AUTS2: variants seen among roughly 807,000 people sequenced by gnomAD.
AUTS2 encodes the protein activator of transcription and developmental regulator AUTS2.
Under a neutral mutation model 112.4 loss-of-function variants are expected in AUTS2, and 17 were observed. The observed-to-expected ratio is 0.15, with a 90% CI of 0.10 to 0.23. AUTS2 has a LOEUF of 0.23. AUTS2 is among the 10% of genes least tolerant of loss of function. AUTS2 has a pLI of 1.00. For missense variants in AUTS2, 1,510 were observed against 1,701.6 expected (o/e 0.89, Z 1.98); for synonymous variants, 751 against 702.7 (o/e 1.07, Z -1.09).
chr7:70,725,172 G>A (rs550856036), intron 6 of AUTS2, among the ~76,000 whole-genome samples: 12 of 152,276 alleles, frequency 7.9e-5, no homozygotes, highest in South Asian at 2.1e-4. Flanking sequence ...ATGACCTTCC[G>A]TTTAAGACTT....
At chr7:69,659,153 T>C (rs1304761110) in intron 1 of AUTS2, among the ~76,000 whole-genome samples, 1 of 152,184 alleles carries the variant, frequency 6.6e-6, no homozygotes, top group Non-Finnish European at 1.5e-5. Context: ...CATTGGAGTA[T>C]TCAGGAAGAA....
intron 6 of AUTS2, among the ~76,000 whole-genome samples, chr7:70,702,774 A>T (rs1809528709): frequency 6.6e-6 from 1 of 152,078 alleles, no homozygotes; most frequent in African/African-American, 2.4e-5. Flanking sequence ...CACCAGACGC[A>T]ACGCTCTGGC....
chr7:70,038,242 G>A (rs1175342220), intron 2 of AUTS2, among the ~76,000 whole-genome samples: 1 of 152,098 alleles, frequency 6.6e-6, no homozygotes, highest in African/African-American at 2.4e-5. Context: ...AAGTACCTGG[G>A]AACTTTCTTC....
intron 1 of AUTS2, among the ~76,000 whole-genome samples, chr7:69,865,518 T>G (rs771674187): frequency 6.6e-6 from 1 of 152,152 alleles, no homozygotes; most frequent in Non-Finnish European, 1.5e-5. Context: ...ATTTCCTAGT[T>G]CAAGGACTCT....
At chr7:70,548,466 T>C (rs1800880956) in intron 5 of AUTS2, among the ~76,000 whole-genome samples, 1 of 152,174 alleles carries the variant, frequency 6.6e-6, no homozygotes, top group Non-Finnish European at 1.5e-5. Flanking sequence ...CATACTTTTG[T>C]TGTTATATCT....
intron 4 of AUTS2, among the ~76,000 whole-genome samples, chr7:70,304,881 T>C (rs1789421515): frequency 6.6e-6 from 1 of 152,124 alleles, no homozygotes; most frequent in Admixed American, 6.5e-5. Flanking sequence ...TTGCTGATTA[T>C]AGCAGTGACA....
chr7:70,765,257 A>T (rs2129557329), intron 8 of AUTS2, among the ~76,000 whole-genome samples: 1 of 152,198 alleles, frequency 6.6e-6, no homozygotes, highest in Admixed American at 6.5e-5. Flanking sequence ...GTTAGGAGGC[A>T]TTTCCAGCTA....
intron 2 of AUTS2, among the ~76,000 whole-genome samples, chr7:70,010,493 A>G (rs1309855050): frequency 6.6e-6 from 1 of 152,124 alleles, no homozygotes; most frequent in Non-Finnish European, 1.5e-5. Flanking sequence ...CTTTTCCTCT[A>G]CATGAAGTTT....
At chr7:70,451,533 G>T (rs1796530135) in intron 5 of AUTS2, among the ~76,000 whole-genome samples, 2 of 151,722 alleles carry the variant, frequency 1.3e-5, no homozygotes, top group African/African-American at 4.8e-5. Context: ...GTACATTTCA[G>T]TAGTAATGGT....
intron 2 of AUTS2, among the ~76,000 whole-genome samples, chr7:70,086,906 CAAA>C (rs1466695326): frequency 6.7e-6 from 1 of 150,228 alleles, no homozygotes; most frequent in Admixed American, 6.7e-5. Context: ...TTGATAATGT[CAAA>C]GAAGAGTAAA....
At chr7:70,696,914 GAATTTA>G (rs1353332943) in intron 5 of AUTS2, among the ~76,000 whole-genome samples, 1 of 152,038 alleles carries the variant, frequency 6.6e-6, no homozygotes, top group African/African-American at 2.4e-5. Flanking sequence ...TGTAAGCCAT[GAATTTA>G]ACATGAATTT....
intron 2 of AUTS2, among the ~76,000 whole-genome samples, chr7:70,007,186 G>A (rs1799582584): frequency 6.6e-6 from 1 of 152,122 alleles, no homozygotes; most frequent in South Asian, 2.1e-4. Context: ...CCTTGGTTTT[G>A]TTTTAAGTTT....
chr7:70,162,318 C>A (rs1478379164), intron 4 of AUTS2, among the ~76,000 whole-genome samples: 1 of 148,412 alleles, frequency 6.7e-6, no homozygotes, highest in Non-Finnish European at 1.5e-5. Context: ...TAGTGGCGGG[C>A]GCCTGTAGTC....
intron 1 of AUTS2, among the ~76,000 whole-genome samples, chr7:69,866,876 A>C (rs1016870036): frequency 6.6e-6 from 1 of 152,230 alleles, no homozygotes; most frequent in African/African-American, 2.4e-5. Flanking sequence ...TATGTTTAGT[A>C]AGCATTTACA....
chr7:70,376,007 GT>G (rs146325199), intron 4 of AUTS2, among the ~76,000 whole-genome samples: 9,436 of 149,706 alleles, frequency 0.063, 428 homozygotes, highest in Non-Finnish European at 0.1. Context: ...GGAGTAGTTT[GT>G]TTTTTGTCGT....
chr7:69,849,476 G>T (rs1414200335), intron 1 of AUTS2, among the ~76,000 whole-genome samples: 1 of 151,992 alleles, frequency 6.6e-6, no homozygotes, highest in Non-Finnish European at 1.5e-5. Context: ...TCATCACGAA[G>T]ATCTCCCTAT....
intron 4 of AUTS2, among the ~76,000 whole-genome samples, chr7:70,349,059 C>T (rs1791633597): frequency 6.6e-6 from 1 of 152,184 alleles, no homozygotes; most frequent in Non-Finnish European, 1.5e-5. Flanking sequence ...CTAATTGCTC[C>T]AAACCCCATA....
intron 2 of AUTS2, among the ~76,000 whole-genome samples, chr7:70,031,803 A>G (rs868700945): frequency 1.3e-5 from 2 of 152,240 alleles, no homozygotes; most frequent in South Asian, 2.1e-4. Context: ...CCTACTATGC[A>G]CTCTATGTCC....
At chr7:70,018,818 G>A (rs1467942875) in intron 2 of AUTS2, among the ~76,000 whole-genome samples, 1 of 152,182 alleles carries the variant, frequency 6.6e-6, no homozygotes, top group African/African-American at 2.4e-5. Context: ...TGGTAGGAAT[G>A]TAAATTAATT....
Sources: gnomAD v4.1 joint callset for allele counts (sites outside exome capture counted in the v4.1 genomes callset) on GRCh38, gnomAD v4.1.1 for gene constraint, MANE v1.5 for transcripts, NCBI Gene and HGNC (gene_info 2026-07-23, HGNC 2026-07-21) for gene names.